MRO: variants seen among roughly 807,000 people sequenced by gnomAD.
The protein encoded by MRO is maestro.
A neutral mutation model predicts 31.0 loss-of-function variants in MRO; 28 were observed. That is an observed-to-expected ratio of 0.90 (90% CI 0.67 to 1.24). The LOEUF (loss-of-function observed/expected upper bound fraction) is 1.24, where lower values mean the gene tolerates loss of function less well. MRO is among the 50% of genes most tolerant of loss of function. The pLI is 0.00. For missense variants in MRO, 332 were observed against 289.2 expected (o/e 1.15, Z -1.07); for synonymous variants, 108 against 108.4 (o/e 1.00, Z 0.02).
In MRO at chr18:50,812,953, G is replaced by T. The variant is rs1914593060; in HGVS notation, c.-4-3549C>A. Among the ~76,000 whole-genome samples the T allele has an allele frequency of 2.0e-5, 3 of 152,158 alleles. No individual in the cohort carries two copies. In the South Asian group the frequency reaches 6.2e-4, roughly 32 times the overall value. On this transcript the variant is annotated intron_variant, in intron 2 of 7. Coordinates refer to ENST00000398439, the MANE Select transcript of MRO (RefSeq NM_031939.6). ...GAACTACAGTGACCAGTGACAAACT[G>T]CCTTGGTTTACCCAGGGCTGGGGAG...
intron 6 of MRO, among the ~76,000 whole-genome samples, chr18:50,800,848 T>C (rs1353613705): frequency 7.1e-6 from 1 of 141,200 alleles, no homozygotes; most frequent in Non-Finnish European, 1.5e-5. Context: ...ATCACACCAC[T>C]GCACTCCAGC....
intron 5 of MRO, among the ~76,000 whole-genome samples, chr18:50,804,936 C>T (rs969716756): frequency 2.4e-4 from 36 of 152,102 alleles, no homozygotes; most frequent in African/African-American, 7.5e-4. Flanking sequence ...GGACTACAGG[C>T]GTGCACCACC....
intron 3 of MRO, among the ~76,000 whole-genome samples, chr18:50,808,940 A>G (rs558093173): frequency 1.1e-4 from 17 of 151,060 alleles, no homozygotes; most frequent in Non-Finnish European, 2.1e-4. Flanking sequence ...GATCGAGACC[A>G]TCCTGGCTAA....
intron 3 of MRO, among the ~76,000 whole-genome samples, chr18:50,808,177 T>C (rs1914122763): frequency 6.6e-6 from 1 of 152,088 alleles, no homozygotes; most frequent in Admixed American, 6.6e-5. Flanking sequence ...CTCTGAGCCT[T>C]TGTGGCAAGC....
chr18:50,820,026 T>G, upstream of MRO: 1 of 1,422,646 alleles, frequency 7.0e-7, no homozygotes, highest in Non-Finnish European at 9.7e-7. Context: ...TGGGGACCTT[T>G]CCTCTGCACC....
chr18:50,823,342 G>A (rs1000596539), upstream of MRO, among the ~76,000 whole-genome samples: 2 of 152,212 alleles, frequency 1.3e-5, no homozygotes, highest in Non-Finnish European at 2.9e-5. Context: ...AAGAAGCACT[G>A]GGGTTTATCC....
At chr18:50,805,963 C>CTTT (rs752108897) in intron 4 of MRO, among the ~76,000 whole-genome samples, 1 of 143,218 alleles carries the variant, frequency 7.0e-6, no homozygotes, top group Non-Finnish European at 1.5e-5. Context: ...AAGACTCTAT[C>CTTT]TTTTTTTTTT....
At chr18:50,811,746 C>CTTTTTTT (rs71171344) in intron 2 of MRO, among the ~76,000 whole-genome samples, 24 of 80,160 alleles carry the variant, frequency 3.0e-4, no homozygotes, top group South Asian at 1.1e-3. Context: ...TGTGGTAATT[C>CTTTTTTT]TTTTTTTTTT....
chr18:50,803,814 A>G (rs1326648085), intron 5 of MRO, among the ~76,000 whole-genome samples: 1 of 152,216 alleles, frequency 6.6e-6, no homozygotes, highest in Admixed American at 6.5e-5. Flanking sequence ...GGCTCCGGAG[A>G]GAATTAGGGC....
chr18:50,801,626 C>T (rs977504392), intron 5 of MRO, 122 bp from the exon 6 acceptor site: 6 of 960,060 alleles, frequency 6.2e-6, no homozygotes, highest in Non-Finnish European at 9.3e-6. Flanking sequence ...CACATCACAG[C>T]CATCGATCTT....
rs371910935 is a variant in MRO, at chr18:50,805,234, C to T, written c.349G>A (p.Val117Ile). 69 of 1,614,026 alleles carry T rather than the reference C, an allele frequency of 4.3e-5. No homozygotes were observed. Among genetic ancestry groups the T allele is most frequent in the Middle Eastern group, 1.6e-4 (1 of 6,062 alleles). Residue 117 changes from valine to isoleucine, a missense_variant, in exon 5 of 8, where the codon GTT (valine) becomes ATT (isoleucine). Transcript: ENST00000398439. ...CCTTTCCCCTGGATCTTGCCCAGAA[C>T]GACGGTCAGAGTCTTCATACTCTCA... ...IHESMKTLTV[V>I]LGKIQGKGLG...
At chr18:50,803,978 G>A (rs1055480948) in intron 5 of MRO, among the ~76,000 whole-genome samples, 9 of 152,206 alleles carry the variant, frequency 5.9e-5, no homozygotes, top group South Asian at 4.1e-4. Flanking sequence ...ACGATGTGCC[G>A]GTGCACTTTT....
intron 3 of MRO, among the ~76,000 whole-genome samples, chr18:50,807,421 C>A (rs1314285370): frequency 6.6e-6 from 1 of 152,340 alleles, no homozygotes; most frequent in East Asian, 1.9e-4. Flanking sequence ...TCTCAGTAGT[C>A]ATCTTACTCA....
chr18:50,818,805 C>A (rs889342900), intron 2 of MRO, among the ~76,000 whole-genome samples: 2 of 152,132 alleles, frequency 1.3e-5, no homozygotes, highest in Non-Finnish European at 2.9e-5. Context: ...TAAATCCCAG[C>A]ATTTTGGGAG....
At chr18:50,824,746 A>G (rs1461198320), upstream of MRO, among the ~76,000 whole-genome samples, 1 of 146,556 alleles carries the variant, frequency 6.8e-6, no homozygotes, top group Non-Finnish European at 1.5e-5. Context: ...GAGCCACCAC[A>G]TTCAGCCAAG....
In MRO at chr18:50,801,510, G is replaced by T; in HGVS notation, c.430-6C>A. The T allele has an allele frequency of 1.3e-6, 2 of 1,580,092 alleles. No homozygotes were observed. Among genetic ancestry groups the T allele is most frequent in the Non-Finnish European group, 8.6e-7 (1 of 1,163,938 alleles). On this transcript the variant is annotated splice_polypyrimidine_tract_variant and splice_region_variant and intron_variant, in intron 5 of 7. Coordinates refer to ENST00000398439, the MANE Select transcript of MRO (RefSeq NM_031939.6). ...TATCTCAGACTGTCGTTCTCCTGCG[G>T]TCCCCATCAACAAAACAATAAGAAA...
upstream of MRO, chr18:50,823,871 G>T: frequency 5.0e-6 from 1 of 198,350 alleles, no homozygotes; most frequent in South Asian, 9.9e-5. Context: ...AAAATGCAGA[G>T]AACAATGCTG....
rs1598997876 is a variant in MRO, at chr18:50,797,432, A to G, written c.*1905T>C. The G allele has an allele frequency of 6.6e-6, 1 of 152,348 alleles. No individual in the cohort carries two copies. The highest frequency in any genetic ancestry group is 3.4e-3 in the Middle Eastern group (1 of 294). 9.4% of individuals were successfully genotyped at this position (152,348 alleles called of 1,614,324 possible). The stretch of plus-strand genomic sequence containing the variant: ...AAAGCAAGTCACAAAGGCAGCCCAG[A>G]TTCAAACAGAAGGGACTAAATAAAG... On this transcript the variant is annotated 3_prime_UTR_variant, in exon 8 of 8. Coordinates refer to ENST00000398439, the MANE Select transcript of MRO (RefSeq NM_031939.6).
chr18:50,801,318 C>T (rs1913286494), intron 6 of MRO, 31 bp downstream of exon 6: 1 of 1,524,896 alleles, frequency 6.6e-7, no homozygotes, highest in Non-Finnish European at 8.8e-7. Context: ...ATGGAGATGT[C>T]ACTCTGTTGG....
Sources: gnomAD v4.1 joint callset for allele counts (sites outside exome capture counted in the v4.1 genomes callset) on GRCh38, gnomAD v4.1.1 for gene constraint, MANE v1.5 for transcripts, NCBI Gene and HGNC (gene_info 2026-07-23, HGNC 2026-07-21) for gene names.